DMTF1: variants seen among roughly 807,000 people sequenced by gnomAD.
DMTF1 encodes cyclin-D-binding Myb-like transcription factor 1.
In DMTF1, 39 loss-of-function variants were observed where a neutral mutation model predicts 91.1. The ratio of observed to expected loss-of-function variants is 0.43; its 90% CI spans 0.33 to 0.56. DMTF1 has a LOEUF of 0.56. Among genes scored for constraint, DMTF1 ranks in the 20% least tolerant of loss-of-function variants. The pLI is 0.05. For synonymous variants in DMTF1, 338 were observed against 309.5 expected (o/e 1.09, Z -0.97); for missense variants, 750 against 914.5 (o/e 0.82, Z 2.32).
chr7:87,193,785 A>T lies in DMTF1; in HGVS notation c.1711A>T (p.Ile571Phe), dbSNP rs780025011. The T allele has an allele frequency of 5.0e-6, 8 of 1,612,820 alleles. No homozygotes were observed. The South Asian group carries it at 8.8e-5, about 18-fold the overall frequency. The change falls in exon 16 of 18, where the codon ATC becomes TTC. Residue 571 changes from isoleucine (I) to phenylalanine (F), a missense_variant. Around this residue, in one of 3 missense-constraint regions of DMTF1, gnomAD observed 410 missense variants for 420.2 expected, o/e 0.98. Coordinates refer to ENST00000331242, the MANE Select transcript of DMTF1 (RefSeq NM_001142327.2). ...AGTGCAGTGTCACACACCAAGAGTCATCATTCAGACTGTTGCCACAGAGGA... is the reference window on the plus strand; with the variant it reads ...AGTGCAGTGTCACACACCAAGAGTCTTCATTCAGACTGTTGCCACAGAGGA... Reference protein sequence around the residue: ...VTVQCHTPRVIIQTVATEDIT... With the variant: ...VTVQCHTPRVFIQTVATEDIT...
rs923785130 is a variant in DMTF1 at position 87,163,542 on chromosome 7, G to T, written c.-84G>T. Reference sequence around the variant, plus strand: ...GGGAGAGAAACAATCTGGGTAACATGAAAGTGATGCTGGTTGCTAAGGGAA... The same window carrying T: ...GGGAGAGAAACAATCTGGGTAACATTAAAGTGATGCTGGTTGCTAAGGGAA... On this transcript the variant is annotated 5_prime_UTR_variant, in exon 2 of 18. The change abolishes an upstream ATG in the 5' untranslated region. Transcript: ENST00000331242. 2 of 152,250 alleles carry T rather than the reference G, an allele frequency of 1.3e-5. No individual in the cohort carries two copies. The highest frequency in any genetic ancestry group is 4.8e-5 in the African/African-American group (2 of 41,456). 9.4% of individuals were successfully genotyped at this position (152,250 alleles called of 1,614,324 possible). A position where few individuals can be genotyped will look rare whatever the true frequency, so the allele number is the denominator to read the frequency against.
At chr7:87,187,763 G>A (rs961195814) in intron 12 of DMTF1, 1 of 296,708 alleles carries the variant, frequency 3.4e-6, no homozygotes, top group African/African-American at 2.2e-5. Flanking sequence ...AGCATTGCCA[G>A]TATTCTTCCT....
intron 1 of DMTF1, among the ~76,000 whole-genome samples, chr7:87,153,899 G>T (rs1275907469): frequency 6.6e-6 from 1 of 151,908 alleles, no homozygotes; most frequent in African/African-American, 2.4e-5. Context: ...TCAGTTAAGG[G>T]TTTTCATGTT....
chr7:87,170,431 A>C (rs1372423365), intron 4 of DMTF1, among the ~76,000 whole-genome samples: 1 of 152,198 alleles, frequency 6.6e-6, no homozygotes, highest in Non-Finnish European at 1.5e-5. Context: ...GGGCTTACAC[A>C]ATCTCCTACT....
intron 14 of DMTF1, among the ~76,000 whole-genome samples, chr7:87,191,899 A>G (rs1200955607): frequency 6.6e-6 from 1 of 152,148 alleles, no homozygotes; most frequent in Admixed American, 6.6e-5. Flanking sequence ...TGAAGAACAC[A>G]GAGTTATTAT....
chr7:87,177,257 G>A (rs1385046163), intron 7 of DMTF1, among the ~76,000 whole-genome samples: 1 of 152,032 alleles, frequency 6.6e-6, no homozygotes, highest in African/African-American at 2.4e-5. Flanking sequence ...GTGCAAATGT[G>A]CAAGTTACCC....
At chr7:87,154,976 A>G (rs1414957655) in intron 1 of DMTF1, among the ~76,000 whole-genome samples, 1 of 152,210 alleles carries the variant, frequency 6.6e-6, no homozygotes, top group African/African-American at 2.4e-5. Context: ...TCTAATTTTT[A>G]TTAATGGTGT....
intron 1 of DMTF1, chr7:87,163,154 A>G (rs1324278183): frequency 6.6e-6 from 1 of 152,062 alleles, no homozygotes; most frequent in South Asian, 2.1e-4. Context: ...TGATTGATAT[A>G]CACATCATGT....
Position 87,196,212 on chromosome 7 carries a change from CT to C in DMTF1, c.*1076del, listed in dbSNP as rs1460955163. 2 of 155,400 alleles carry C rather than the reference CT, an allele frequency of 1.3e-5. No individual in the cohort carries two copies. The highest frequency in any genetic ancestry group is 4.8e-5 in the African/African-American group (2 of 41,444). The allele number at this position is 155,400 out of a possible 1,614,324, so 9.6% of individuals were successfully genotyped here. A position where few individuals can be genotyped will look rare whatever the true frequency, so the allele number is the denominator to read the frequency against. On this transcript the variant is annotated 3_prime_UTR_variant, in exon 18 of 18. Coordinates refer to ENST00000331242, the MANE Select transcript of DMTF1 (RefSeq NM_001142327.2). ...TGTAATTAGATCTTCACAAAGTTGT[CT>C]TTTCACTGTGTTTTGTCAACGTGAA...
At chr7:87,164,848 G>C in intron 2 of DMTF1, 86 bp from the exon 3 acceptor site, 1 of 662,644 alleles carries the variant, frequency 1.5e-6, no homozygotes, top group Non-Finnish European at 2.4e-6. Flanking sequence ...AAATAAATGT[G>C]TGTGGTATTT....
rs772391012 is a variant in DMTF1, at chr7:87,195,198, C to T, written c.*58C>T. 2.4e-6 allele frequency: 3 copies of T among 1,262,226 alleles called. No individual in the cohort carries two copies. Among genetic ancestry groups the T allele is most frequent in the Non-Finnish European group, 3.4e-6 (3 of 873,698 alleles). 78.2% of individuals were successfully genotyped at this position (1,262,226 alleles called of 1,614,324 possible). A position where few individuals can be genotyped will look rare whatever the true frequency, so the allele number is the denominator to read the frequency against. ...GAAGGCACACTGTTAATTACAACCTCTTCAAAGAAATAGGAGCAACCCCCA... is the reference window on the plus strand; with the variant it reads ...GAAGGCACACTGTTAATTACAACCTTTTCAAAGAAATAGGAGCAACCCCCA... On this transcript the variant is annotated 3_prime_UTR_variant, in exon 18 of 18. Coordinates refer to ENST00000331242, the MANE Select transcript of DMTF1 (RefSeq NM_001142327.2).
rs760131509 is a variant in DMTF1 at position 87,195,086 on chromosome 7, C to T, written c.2229C>T (p.Gly743=). Residue 743 remains glycine (G), a synonymous_variant, in exon 18 of 18, where the codon GGC becomes GGT. Coordinates refer to ENST00000331242, the MANE Select transcript of DMTF1 (RefSeq NM_001142327.2). ...CAAATATCATTGGATCATCCTTGGGCAGTCCTGTTTCAGAAGATTCAAAGG... is the reference window on the plus strand; with the variant it reads ...CAAATATCATTGGATCATCCTTGGGTAGTCCTGTTTCAGAAGATTCAAAGG... The part of the protein sequence containing the change: ...EESNIIGSSL[G]SPVSEDSKDV... 1.2e-5 allele frequency: 20 copies of T among 1,612,304 alleles called. No individual in the cohort carries two copies. Among genetic ancestry groups the T allele is most frequent in the Non-Finnish European group, 1.7e-5 (20 of 1,178,930 alleles).
intron 1 of DMTF1, among the ~76,000 whole-genome samples, chr7:87,156,516 A>G (rs1214643913): frequency 1.3e-5 from 2 of 152,178 alleles, no homozygotes; most frequent in Non-Finnish European, 2.9e-5. Context: ...CACAAAGTAT[A>G]TAGAGGAACA....
intron 5 of DMTF1, among the ~76,000 whole-genome samples, chr7:87,172,334 T>G (rs1584312613): frequency 6.6e-6 from 1 of 152,362 alleles, no homozygotes; most frequent in East Asian, 1.9e-4. Flanking sequence ...TCACACTTGT[T>G]CCAGTGATTT....
chr7:87,193,965 C>T lies in DMTF1; in HGVS notation c.1891C>T (p.His631Tyr), dbSNP rs772374917. The T allele has an allele frequency of 1.2e-5, 20 of 1,613,306 alleles. No homozygotes were observed. Among genetic ancestry groups the T allele is most frequent in the Non-Finnish European group, 1.7e-5 (20 of 1,179,616 alleles). ...MTVEPSFNDA[H>Y]VSKFSDQNST... is the part of the protein sequence containing the mutation. ...TGTGGAGCCATCATTTAATGATGCTCATGTATCCAAATTCAGTGACCAAAA... is the reference window on the plus strand; with the variant it reads ...TGTGGAGCCATCATTTAATGATGCTTATGTATCCAAATTCAGTGACCAAAA... The change falls in exon 16 of 18, where the codon CAT becomes TAT. Residue 631 changes from histidine to tyrosine, a missense_variant. Physicochemically the swap from His to Tyr is moderately conservative, Grantham distance 83 (BLOSUM62 2). Coordinates refer to ENST00000331242, the MANE Select transcript of DMTF1 (RefSeq NM_001142327.2).
intron 1 of DMTF1, among the ~76,000 whole-genome samples, chr7:87,158,680 A>G (rs1454896234): frequency 6.6e-6 from 1 of 152,108 alleles, no homozygotes; most frequent in Non-Finnish European, 1.5e-5. Context: ...GTAATCACTC[A>G]AGATTTATTA....
rs926998792 is a variant in DMTF1 at position 87,172,457 on chromosome 7, T to C, written c.328-1078T>C. Among the ~76,000 whole-genome samples, 8 of 152,328 alleles carry C rather than the reference T, an allele frequency of 5.3e-5. No homozygotes were observed. In the South Asian group the frequency reaches 1.0e-3, roughly 20 times the overall value. ...AATAGAAATGTGGCTTTTCTCCTAA[T>C]TGTACCTTGGTTGTCCACTGACAGC... is the stretch of plus-strand genomic sequence containing the variant. On this transcript the variant is annotated intron_variant, in intron 5 of 17. Coordinates refer to ENST00000331242, the MANE Select transcript of DMTF1 (RefSeq NM_001142327.2).
intron 7 of DMTF1, among the ~76,000 whole-genome samples, chr7:87,175,770 C>T (rs1402406727): frequency 2.6e-5 from 4 of 152,168 alleles, no homozygotes; most frequent in Non-Finnish European, 5.9e-5. Flanking sequence ...AACCAACACA[C>T]ATTAAATTAA....
intron 4 of DMTF1, among the ~76,000 whole-genome samples, chr7:87,170,519 G>C (rs1019525626): frequency 2.6e-5 from 4 of 152,158 alleles, no homozygotes; most frequent in Non-Finnish European, 5.9e-5. Flanking sequence ...CTGTCTCAGA[G>C]CCTTTGCACT....
Sources: gnomAD v4.1 joint callset for allele counts (sites outside exome capture counted in the v4.1 genomes callset) on GRCh38, gnomAD v4.1.1 for gene constraint, gnomAD v4.1.1 regional missense constraint, MANE v1.5 for transcripts, NCBI Gene and HGNC (gene_info 2026-07-23, HGNC 2026-07-21) for gene names.